Variants in STXBP5 observed in about 807,000 individuals in gnomAD.
STXBP5 encodes syntaxin binding protein 5.
A neutral mutation model predicts 152.4 loss-of-function variants in STXBP5; 50 were observed. That is an observed-to-expected ratio of 0.33 (90% CI 0.26 to 0.42). The LOEUF is 0.42. STXBP5 is among the 10% of genes least tolerant of loss of function. The pLI is 1.00. For missense variants in STXBP5, 1,167 were observed against 1,388.6 expected (o/e 0.84, Z 2.54); for synonymous variants, 492 against 494.7 (o/e 0.99, Z 0.07).
At chr6:147,326,100 C>T (rs2128385918) in intron 17 of STXBP5, among the ~76,000 whole-genome samples, 1 of 152,284 alleles carries the variant, frequency 6.6e-6, no homozygotes, top group Non-Finnish European at 1.5e-5. Context: ...AACCAAGCTT[C>T]TGAAGAAACC....
At chr6:147,288,326 A>C (rs1781098863) in intron 8 of STXBP5, among the ~76,000 whole-genome samples, 1 of 152,210 alleles carries the variant, frequency 6.6e-6, no homozygotes, top group Non-Finnish European at 1.5e-5. Flanking sequence ...TGGTTTTAAC[A>C]GAGCTCCAAG....
At chr6:147,354,663 T>C (rs992815544) in intron 22 of STXBP5, among the ~76,000 whole-genome samples, 1 of 152,150 alleles carries the variant, frequency 6.6e-6, no homozygotes, top group African/African-American at 2.4e-5. Context: ...AAATATACTT[T>C]TAAAATTATA....
At chr6:147,329,617 C>CTTTTTTTTTTTTTTTTTTT (rs34913817) in intron 18 of STXBP5, among the ~76,000 whole-genome samples, 1 of 71,708 alleles carries the variant, frequency 1.4e-5, no homozygotes, top group Admixed American at 2.5e-4. Context: ...GTTCTTCAGG[C>CTTTTTTTTTTTTTTTTTTT]TTTTTTTTTT....
At chr6:147,348,283 C>T (rs547968761) in intron 21 of STXBP5, among the ~76,000 whole-genome samples, 3 of 152,188 alleles carry the variant, frequency 2.0e-5, no homozygotes, top group Admixed American at 2.0e-4. Context: ...GATGCCTCTT[C>T]ATGCAAGGGA....
chr6:147,331,805 T>TAAAA (rs758010688), intron 18 of STXBP5, among the ~76,000 whole-genome samples: 6 of 115,382 alleles, frequency 5.2e-5, no homozygotes, highest in African/African-American at 6.2e-5. Context: ...TTCTACCAGT[T>TAAAA]AAAAAAAAAA....
intron 7 of STXBP5, among the ~76,000 whole-genome samples, chr6:147,274,286 A>T (rs573253604): frequency 2.9e-4 from 44 of 152,228 alleles, no homozygotes; most frequent in African/African-American, 7.2e-4. Flanking sequence ...CTTTAGAGGC[A>T]GTCTTACTCT....
At chr6:147,233,032 C>A (rs775057886) in intron 2 of STXBP5, among the ~76,000 whole-genome samples, 2 of 151,742 alleles carry the variant, frequency 1.3e-5, no homozygotes, top group Admixed American at 1.3e-4. Context: ...TCTTTACTTA[C>A]CAAGAATCAG....
chr6:147,314,169 T>C, intron 12 of STXBP5, 95 bp from the exon 13 acceptor site: 5 of 1,406,222 alleles, frequency 3.6e-6, no homozygotes, highest in Non-Finnish European at 4.9e-6. Flanking sequence ...AATATGTTTT[T>C]CACTGGATTA....
chr6:147,259,255 T>C (rs906569934), intron 4 of STXBP5, among the ~76,000 whole-genome samples: 1 of 152,158 alleles, frequency 6.6e-6, no homozygotes, highest in Non-Finnish European at 1.5e-5. Flanking sequence ...ATAGTGATGC[T>C]TAAAATATCT....
intron 26 of STXBP5, among the ~76,000 whole-genome samples, chr6:147,381,423 T>C (rs1181030046): frequency 6.6e-6 from 1 of 152,136 alleles, no homozygotes; most frequent in Admixed American, 6.6e-5. Context: ...AACCCTCATA[T>C]ATATTACTGG....
chr6:147,382,754 C>G (rs760302325), intron 26 of STXBP5, 24 bp from the exon 27 acceptor site: 1 of 1,608,098 alleles, frequency 6.2e-7, no homozygotes. Flanking sequence ...TTGAGTTACT[C>G]TTTGATTTAT....
At chr6:147,320,039 G>A (rs1388347605) in intron 16 of STXBP5, among the ~76,000 whole-genome samples, 2 of 151,296 alleles carry the variant, frequency 1.3e-5, no homozygotes, top group Admixed American at 6.6e-5. Context: ...ATGGGTTTTC[G>A]GCATGTTACC....
At chr6:147,375,093 A>G (rs1785745195) in intron 26 of STXBP5, among the ~76,000 whole-genome samples, 1 of 152,182 alleles carries the variant, frequency 6.6e-6, no homozygotes, top group East Asian at 1.9e-4. Flanking sequence ...TCTACAAATA[A>G]TTTTTCAAAT....
chr6:147,265,353 A>G (rs1779841028), intron 6 of STXBP5, among the ~76,000 whole-genome samples: 1 of 152,080 alleles, frequency 6.6e-6, no homozygotes, highest in Non-Finnish European at 1.5e-5. Context: ...AATTTTGTTT[A>G]TATCCCCAGA....
chr6:147,211,732 G>T (rs1471448809), intron 2 of STXBP5, among the ~76,000 whole-genome samples: 1 of 152,102 alleles, frequency 6.6e-6, no homozygotes, highest in South Asian at 2.1e-4. Flanking sequence ...GACCACAAGT[G>T]TGTGCCACCA....
chr6:147,370,969 T>C (rs1785512459), intron 25 of STXBP5, among the ~76,000 whole-genome samples: 1 of 152,056 alleles, frequency 6.6e-6, no homozygotes, highest in Non-Finnish European at 1.5e-5. Context: ...CATTGACCCA[T>C]TCATGAAATT....
intron 4 of STXBP5, among the ~76,000 whole-genome samples, chr6:147,248,561 C>T (rs950808921): frequency 6.6e-6 from 1 of 152,112 alleles, no homozygotes; most frequent in African/African-American, 2.4e-5. Context: ...GCTGGAGCTT[C>T]TCATAACTTA....
At chr6:147,206,356 A>G (rs546239809) in intron 2 of STXBP5, among the ~76,000 whole-genome samples, 6 of 152,324 alleles carry the variant, frequency 3.9e-5, no homozygotes, top group Admixed American at 3.9e-4. Flanking sequence ...CTAAGGAAAA[A>G]TATATCTGCT....
chr6:147,309,155 A>C lies in STXBP5; in HGVS notation c.918-929A>C, dbSNP rs537594321. ...TATTACGTATGGCTTATAGATGTGA[A>C]GACTAAAAATTCTAGAGATGGAAAA... is the stretch of plus-strand genomic sequence containing the variant. On this transcript the variant is annotated intron_variant, in intron 9 of 27. Coordinates refer to ENST00000321680, the MANE Select transcript of STXBP5 (RefSeq NM_001127715.4). Among the ~76,000 whole-genome samples the C allele has an allele frequency of 3.4e-4, 52 of 152,304 alleles. 1 individual carries two copies. The South Asian group carries it at 0.011, about 31-fold the overall frequency.
Sources: gnomAD v4.1 joint callset for allele counts (sites outside exome capture counted in the v4.1 genomes callset) on GRCh38, gnomAD v4.1.1 for gene constraint, MANE v1.5 for transcripts, NCBI Gene and HGNC (gene_info 2026-07-23, HGNC 2026-07-21) for gene names.